MAGI3: variants seen among roughly 807,000 people sequenced by gnomAD.
MAGI3 encodes membrane-associated guanylate kinase, WW and PDZ domain-containing protein 3.
MAGI3 carries 43 observed loss-of-function variants against 121.8 expected under a neutral mutation model. The ratio of observed to expected loss-of-function variants is 0.35; its 90% CI spans 0.28 to 0.46. The LOEUF (loss-of-function observed/expected upper bound fraction) is 0.46, where lower values mean the gene tolerates loss of function less well. Ranked by LOEUF, MAGI3 falls within the 20% of genes least tolerant of loss-of-function variation. The pLI is 1.00. For missense variants in MAGI3, 1,547 were observed against 1,797.3 expected (o/e 0.86, Z 2.52); for synonymous variants, 553 against 639.3 (o/e 0.86, Z 2.04).
chr1:113,488,691 C>T (rs1419504576), intron 1 of MAGI3, among the ~76,000 whole-genome samples: 1 of 152,176 alleles, frequency 6.6e-6, no homozygotes, highest in Admixed American at 6.5e-5. Flanking sequence ...GCAGTCCGAC[C>T]CCCTCCACCC....
At chr1:113,646,811 T>A (rs1652877692) in intron 12 of MAGI3, among the ~76,000 whole-genome samples, 169 bp downstream of exon 12, 1 of 152,206 alleles carries the variant, frequency 6.6e-6, no homozygotes, top group African/African-American at 2.4e-5. Flanking sequence ...CACACATTCA[T>A]TTTTTTCAAA....
chr1:113,582,819 G>C (rs1176772789), intron 3 of MAGI3, among the ~76,000 whole-genome samples: 1 of 150,178 alleles, frequency 6.7e-6, no homozygotes, highest in Non-Finnish European at 1.5e-5. Context: ...AAGCAATCTA[G>C]CAATAATATC....
At chr1:113,576,216 A>C (rs1484238584) in intron 2 of MAGI3, among the ~76,000 whole-genome samples, 2 of 152,042 alleles carry the variant, frequency 1.3e-5, no homozygotes, top group African/African-American at 4.8e-5. Context: ...GTCTCACTGG[A>C]GTACAAAAAA....
At chr1:113,612,395 G>A (rs1650210603) in intron 6 of MAGI3, among the ~76,000 whole-genome samples, 1 of 152,100 alleles carries the variant, frequency 6.6e-6, no homozygotes, top group African/African-American at 2.4e-5. Context: ...ACTCCTTGAA[G>A]TCAAGAACTG....
chr1:113,391,450 G>A lies in MAGI3; in HGVS notation c.316+101G>A, dbSNP rs74434895. On this transcript the variant is annotated intron_variant, in intron 1 of 20. Coordinates refer to ENST00000307546, the MANE Select transcript of MAGI3 (RefSeq NM_001142782.2). This position sits in a 1 kb window ranked among gnomAD's most constrained non-coding sequence, Gnocchi z 4.4. ...ACCTCCCCACCGCGTATTGTCCCGG[G>A]TAATCTTAGACCTCTAGGGTGTGCC... 9.7e-3 allele frequency: 12,779 copies of A among 1,322,966 alleles called. 80 individuals carry two copies. The highest frequency in any genetic ancestry group is 0.012 in the Non-Finnish European group (11,427 of 953,116). 82.0% of individuals were successfully genotyped at this position (1,322,966 alleles called of 1,614,324 possible). A position where few individuals can be genotyped will look rare whatever the true frequency, so the allele number is the denominator to read the frequency against.
intron 9 of MAGI3, among the ~76,000 whole-genome samples, chr1:113,637,130 C>T (rs1299727102): frequency 3.9e-5 from 6 of 152,046 alleles, no homozygotes; most frequent in South Asian, 4.1e-4. Flanking sequence ...TGTCTCTGCA[C>T]GTGAGATGGG....
chr1:113,650,973 C>T, intron 13 of MAGI3, 41 bp from the exon 14 acceptor site: 1 of 1,573,772 alleles, frequency 6.4e-7, no homozygotes, highest in South Asian at 1.1e-5. Context: ...TTCAGCTAAA[C>T]TTTACACTGT....
intron 1 of MAGI3, among the ~76,000 whole-genome samples, chr1:113,528,599 G>T (rs1035079593): frequency 6.6e-6 from 1 of 152,060 alleles, no homozygotes; most frequent in Admixed American, 6.6e-5. Flanking sequence ...CAGGAAATTG[G>T]TGGGAATAAT....
intron 13 of MAGI3, among the ~76,000 whole-genome samples, chr1:113,650,549 T>C (rs963991568): frequency 6.6e-6 from 1 of 152,218 alleles, no homozygotes; most frequent in African/African-American, 2.4e-5. Flanking sequence ...GAAATGTCTC[T>C]GTGCTGTGTA....
At chr1:113,476,291 C>G (rs1420300587) in intron 1 of MAGI3, among the ~76,000 whole-genome samples, 7 of 152,100 alleles carry the variant, frequency 4.6e-5, no homozygotes, top group Admixed American at 3.3e-4. Context: ...TCTTGCTTCT[C>G]TAGTTCTTTT....
chr1:113,682,176 T>TTTA, intron 20 of MAGI3: 5 of 1,570,952 alleles, frequency 3.2e-6, no homozygotes, highest in East Asian at 2.3e-5. Context: ...TTTTTTTTTT[T>TTTA]CACATAGTCC....
intron 13 of MAGI3, 72 bp from the exon 14 acceptor site, chr1:113,650,942 A>G (rs188087319): frequency 1.5e-4 from 200 of 1,365,936 alleles, no homozygotes; most frequent in Non-Finnish European, 4.5e-5. Context: ...GCACAATGCT[A>G]AGTTAGGAAT....
intron 1 of MAGI3, among the ~76,000 whole-genome samples, chr1:113,510,466 G>C (rs1235729464): frequency 6.7e-6 from 1 of 150,372 alleles, no homozygotes; most frequent in Non-Finnish European, 1.5e-5. Flanking sequence ...ATATCTGTTT[G>C]GTCTTTTCAA....
intron 12 of MAGI3, among the ~76,000 whole-genome samples, chr1:113,647,530 A>C (rs570971796): frequency 6.6e-6 from 1 of 152,314 alleles, no homozygotes; most frequent in South Asian, 2.1e-4. Context: ...GCAGAAATTC[A>C]TGCATGTTCC....
At chr1:113,447,680 C>A (rs1654247202) in intron 1 of MAGI3, among the ~76,000 whole-genome samples, 1 of 152,114 alleles carries the variant, frequency 6.6e-6, no homozygotes, top group Non-Finnish European at 1.5e-5. Context: ...ATTGTGAAAT[C>A]CTGTCTCTAC....
intron 2 of MAGI3, among the ~76,000 whole-genome samples, chr1:113,564,399 C>T (rs1038836763): frequency 3.3e-5 from 5 of 152,260 alleles, no homozygotes; most frequent in East Asian, 3.9e-4. Context: ...GTTATGGCTA[C>T]GAACACTGTA....
At chr1:113,581,555 C>T (rs1421509844) in intron 3 of MAGI3, among the ~76,000 whole-genome samples, 1 of 152,090 alleles carries the variant, frequency 6.6e-6, no homozygotes, top group Non-Finnish European at 1.5e-5. Flanking sequence ...TCTTTTGTAG[C>T]TGCATTCACA....
At chr1:113,600,217 G>T (rs1649279896) in intron 6 of MAGI3, among the ~76,000 whole-genome samples, 1 of 152,130 alleles carries the variant, frequency 6.6e-6, no homozygotes, top group South Asian at 2.1e-4. Flanking sequence ...GGAAGTTCTG[G>T]CCAGGGCAAT....
chr1:113,471,048 T>G (rs1377239208), intron 1 of MAGI3, among the ~76,000 whole-genome samples: 8 of 152,240 alleles, frequency 5.3e-5, no homozygotes, highest in African/African-American at 1.9e-4. Flanking sequence ...CTTACAGGTC[T>G]TACATTTACG....
Sources: allele counts gnomAD v4.1 joint callset (sites outside exome capture counted in the v4.1 genomes callset), GRCh38; gene constraint gnomAD v4.1.1; non-coding constraint Gnocchi (gnomAD v3.1); transcripts MANE v1.5; gene names NCBI Gene and HGNC (gene_info 2026-07-23, HGNC 2026-07-21).